Variants in QSOX2 observed in about 807,000 individuals in gnomAD.
QSOX2 encodes quiescin sulfhydryl oxidase 2.
In QSOX2, 46 loss-of-function variants were observed where a neutral mutation model predicts 61.7. The ratio of observed to expected loss-of-function variants is 0.75; its 90% CI spans 0.59 to 0.95. The LOEUF (loss-of-function observed/expected upper bound fraction) is 0.95. Ranked by LOEUF, QSOX2 falls within the 40% of genes least tolerant of loss-of-function variation. The pLI is 0.00. For synonymous variants in QSOX2, 383 were observed against 388.4 expected, an observed-to-expected ratio of 0.99 and a Z score of 0.16; for missense variants, 879 against 918.9, an observed-to-expected ratio of 0.96 and a Z score of 0.56.
At chr9:136,226,946 C>A in intron 1 of QSOX2, 72 bp from the exon 2 acceptor site, 1 of 1,335,498 alleles carries the variant, frequency 7.5e-7, no homozygotes, top group South Asian at 1.2e-5. Flanking sequence ...CCAGCAGTCC[C>A]CACTCCAGGC....
chr9:136,218,567 G>A (rs1353322056), intron 8 of QSOX2, 112 bp downstream of exon 8: 1 of 1,302,398 alleles, frequency 7.7e-7, no homozygotes, highest in East Asian at 2.6e-5. Context: ...AAGCAAGGTG[G>A]AGAGCACCTC....
At position 136,223,642 on chromosome 9, in the gene QSOX2, A is replaced by C. The variant is rs879380153; in HGVS notation, c.675+121T>G. ...AGCTTCTGATAATGAACAAGACCTA[A>C]AGCCACAGACAGGACACGAGATGCC... On this transcript the variant is annotated intron_variant, in intron 5 of 11. Coordinates refer to ENST00000358701, the MANE Select transcript of QSOX2 (RefSeq NM_181701.4). The surrounding 1 kb of genome is among the most constrained non-coding windows in gnomAD (Gnocchi z 4.4). 2 of 703,610 alleles carry C rather than the reference A, an allele frequency of 2.8e-6. No individual in the cohort carries two copies. Among genetic ancestry groups the C allele is most frequent in the Non-Finnish European group, 4.8e-6 (2 of 417,204 alleles). 43.6% of individuals were successfully genotyped at this position (703,610 alleles called of 1,614,324 possible).
Position 136,222,016 on chromosome 9 carries a change from G to A in QSOX2, c.676-75C>T. 1 of 1,416,010 alleles carries A rather than the reference G, an allele frequency of 7.1e-7. No homozygotes were observed. The highest frequency in any genetic ancestry group is 1.6e-5 in the South Asian group (1 of 64,260). 87.7% of individuals were successfully genotyped at this position (1,416,010 alleles called of 1,614,324 possible). A position where few individuals can be genotyped will look rare whatever the true frequency, so the allele number is the denominator to read the frequency against. On this transcript the variant is annotated intron_variant, in intron 5 of 11. Coordinates refer to ENST00000358701, the MANE Select transcript of QSOX2 (RefSeq NM_181701.4). This position sits in a 1 kb window ranked among gnomAD's most constrained non-coding sequence, Gnocchi z 6.9. ...AGAAAACACGACGTGCAGACACATG[G>A]CCTTGCAGGGAACCTTTCACAAAAG...
At position 136,208,566 on chromosome 9, in the gene QSOX2, GCGTT is replaced by G. The variant is rs901407296; in HGVS notation, c.*158_*161del. Reference sequence around the variant, plus strand: ...CCCGTGTTCTTCCCTTGTTAGAAGAGCGTTTGTAAAACCAGGACTTTGAAGCCAA... The same window carrying G: ...CCCGTGTTCTTCCCTTGTTAGAAGAGTGTAAAACCAGGACTTTGAAGCCAA... On this transcript the variant is annotated 3_prime_UTR_variant, in exon 12 of 12. Transcript: ENST00000358701. 11 of 741,010 alleles carry G rather than the reference GCGTT, an allele frequency of 1.5e-5. No homozygotes were observed. The highest frequency in any genetic ancestry group is 2.3e-5 in the Non-Finnish European group (11 of 480,502). The allele number at this position is 741,010 out of a possible 1,614,324, so 45.9% of individuals were successfully genotyped here.
In QSOX2 at chr9:136,224,904, A is replaced by T. The variant is rs762918603; in HGVS notation, c.435T>A (p.Phe145Leu). 7 of 1,604,876 alleles carry T rather than the reference A, an allele frequency of 4.4e-6. No homozygotes were observed. Among genetic ancestry groups the T allele is most frequent in the Non-Finnish European group, 6.0e-6 (7 of 1,174,636 alleles). Residue 145 changes from phenylalanine (F) to leucine (L), a missense_variant, in exon 3 of 12, where the codon TTT becomes TTA. Coordinates refer to ENST00000358701, the MANE Select transcript of QSOX2 (RefSeq NM_181701.4). ...TTGTAAACTCCTTTGTAAATGCTTT[A>T]AAATACTAAGAGGAAAAACACAGAA... ...DIHFYPTFRY[F>L]KAFTKEFTTG...
chr9:136,228,815 CTCT>C (rs1160176569), intron 1 of QSOX2, among the ~76,000 whole-genome samples: 1 of 152,242 alleles, frequency 6.6e-6, no homozygotes, highest in African/African-American at 2.4e-5. Context: ...ACTGATGAGG[CTCT>C]TTTTTGCCTT....
chr9:136,224,078 C>T lies in QSOX2; in HGVS notation c.513G>A (p.Thr171=), dbSNP rs142909551. The T allele has an allele frequency of 8.1e-5, 131 of 1,614,060 alleles. 1 individual carries two copies. Among genetic ancestry groups the T allele is most frequent in the East Asian group, 4.5e-4 (20 of 44,886 alleles). Residue 171 remains threonine, a synonymous_variant, in exon 4 of 12, where the codon ACG becomes ACA. Coordinates refer to ENST00000358701, the MANE Select transcript of QSOX2 (RefSeq NM_181701.4). ...TGTGGTTCTGCAGGAAGTCAATCATCGTCTGTCTGACTGTTCGCAGCTCTC... is the reference window on the plus strand; with the variant it reads ...TGTGGTTCTGCAGGAAGTCAATCATTGTCTGTCTGACTGTTCGCAGCTCTC... ...PDRELRTVRQ[T]MIDFLQNHTE...
rs1407127585 is a variant in QSOX2 at position 136,222,500 on chromosome 9, T to C, written c.676-559A>G. 1.3e-5 allele frequency among the ~76,000 whole-genome samples: 2 copies of C among 152,122 alleles called. No homozygotes were observed. Among genetic ancestry groups the C allele is most frequent in the Non-Finnish European group, 2.9e-5 (2 of 68,022 alleles). On this transcript the variant is annotated intron_variant, in intron 5 of 11. Coordinates refer to ENST00000358701, the MANE Select transcript of QSOX2 (RefSeq NM_181701.4). The surrounding 1 kb of genome is among the most constrained non-coding windows in gnomAD (Gnocchi z 6.9). ...ACCACATCGGGCGTACGTCTTTCCT[T>C]CTCTTAACAGAGGAACAAAACCAGC... is the stretch of plus-strand genomic sequence containing the variant.
intron 1 of QSOX2, among the ~76,000 whole-genome samples, chr9:136,243,349 C>T (rs1472692390): frequency 6.6e-6 from 1 of 152,220 alleles, no homozygotes. Context: ...CATTTACCCT[C>T]TATTCTCCCC....
intron 1 of QSOX2, among the ~76,000 whole-genome samples, chr9:136,235,466 G>A (rs1385566165): frequency 6.6e-6 from 1 of 152,212 alleles, no homozygotes; most frequent in African/African-American, 2.4e-5. Context: ...CCTGGAGTCA[G>A]GGACACCGTC....
chr9:136,218,257 G>C (rs1355473734), intron 8 of QSOX2, among the ~76,000 whole-genome samples: 1 of 152,176 alleles, frequency 6.6e-6, no homozygotes, highest in Non-Finnish European at 1.5e-5. Flanking sequence ...CCCTGAACCT[G>C]GCTGGTGGGG....
At chr9:136,230,441 G>A (rs1438255376) in intron 1 of QSOX2, among the ~76,000 whole-genome samples, 1 of 152,208 alleles carries the variant, frequency 6.6e-6, no homozygotes, top group African/African-American at 2.4e-5. Context: ...AGCCCAGGAG[G>A]AACAGAGGCA....
At chr9:136,236,905 C>T (rs116774545) in intron 1 of QSOX2, among the ~76,000 whole-genome samples, 1,794 of 146,534 alleles carry the variant, frequency 0.012, 41 homozygotes, top group South Asian at 0.11. Context: ...ACCTAGAGCC[C>T]GTCCTGTGCC....
In QSOX2 at chr9:136,245,755, C is replaced by G. The variant is rs1279526463; in HGVS notation, c.49G>C (p.Gly17Arg). The G allele has an allele frequency of 3.2e-5, 37 of 1,155,216 alleles. No individual in the cohort carries two copies. Among genetic ancestry groups the G allele is most frequent in the Non-Finnish European group, 4.0e-5 (37 of 936,500 alleles). 71.6% of individuals were successfully genotyped at this position (1,155,216 alleles called of 1,614,324 possible). ...AVARSPGIGA[G>R]PALRARRSPP... The stretch of plus-strand genomic sequence containing the variant: ...GAGCGCCGGGCTCTCAGCGCAGGTC[C>G]CGCTCCGATTCCCGGGCTGCGCGCC... Residue 17 changes from glycine (G) to arginine (R), a missense_variant, in exon 1 of 12, where the codon GGA becomes CGA. By Grantham distance (125) the Gly-to-Arg change is moderately radical. Transcript: ENST00000358701.
chr9:136,217,761 C>A (rs1831931659), intron 8 of QSOX2, among the ~76,000 whole-genome samples: 1 of 152,180 alleles, frequency 6.6e-6, no homozygotes, highest in African/African-American at 2.4e-5. Flanking sequence ...CCACTAAGAG[C>A]CACACTGTCC....
At chr9:136,210,847 A>C (rs1182401785) in intron 11 of QSOX2, 1 of 985,006 alleles carries the variant, frequency 1.0e-6, no homozygotes, top group African/African-American at 1.7e-5. Flanking sequence ...TTTTTTAACA[A>C]AACAAAGCAC....
chr9:136,210,532 C>A (rs1025642878), intron 11 of QSOX2: 1 of 985,436 alleles, frequency 1.0e-6, no homozygotes, highest in Admixed American at 6.1e-5. Flanking sequence ...GGCGGAGAGA[C>A]GGAGAAGCTG....
rs12684650 is a variant in QSOX2, at chr9:136,218,808, C to T, written c.957G>A (p.Lys319=). Reference sequence around the variant, plus strand: ...CCAGGTCCACCGTGTACAGCTTCGACCTAGGACGGGATATGGCAGCGTCAG... The same window carrying T: ...CCAGGTCCACCGTGTACAGCTTCGATCTAGGACGGGATATGGCAGCGTCAG... ...SEIVVWREFD[K]SKLYTVDLES... The change falls in exon 8 of 12, where the codon AAG becomes AAA. Residue 319 remains lysine (K), a splice_region_variant and synonymous_variant. Transcript: ENST00000358701. 0.28 allele frequency: 455,393 copies of T among 1,612,676 alleles called. 68,286 individuals are homozygous for T. Among genetic ancestry groups the T allele is most frequent in the Non-Finnish European group, 0.31 (368,991 of 1,179,548 alleles).
Position 136,245,660 on chromosome 9 carries a change from G to T in QSOX2, c.144C>A (p.Gly48=), listed in dbSNP as rs1255335574. Residue 48 remains glycine, a synonymous_variant, in exon 1 of 12, where the codon GGC becomes GGA. Transcript: ENST00000358701. ...GGTACAGCCGCGCCGCACCGCCCGC[G>T]CCCGGCCCCACCGCCGCCGCCGCTA... ...VLLAAAAVGP[G]AGGAARLYRA... is the part of the protein sequence containing the mutation. 4.9e-6 allele frequency: 6 copies of T among 1,233,278 alleles called. No individual in the cohort carries two copies. The highest frequency in any genetic ancestry group is 6.1e-6 in the Non-Finnish European group (6 of 990,950). The allele number at this position is 1,233,278 out of a possible 1,614,324, so 76.4% of individuals were successfully genotyped here.
Sources: gnomAD v4.1 joint callset for allele counts (sites outside exome capture counted in the v4.1 genomes callset) on GRCh38, gnomAD v4.1.1 for gene constraint, Gnocchi (gnomAD v3.1) non-coding constraint, MANE v1.5 for transcripts, NCBI Gene and HGNC (gene_info 2026-07-23, HGNC 2026-07-21) for gene names.